The following RELCH variants were observed in gnomAD, a reference collection of about 807,000 sequenced individuals.
RELCH encodes the protein RAB11 binding and LisH domain, coiled-coil and HEAT repeat containing.
RELCH carries 41 observed loss-of-function variants against 150.3 expected under a neutral mutation model. That is an observed-to-expected ratio of 0.27 (90% CI 0.21 to 0.35). The LOEUF (loss-of-function observed/expected upper bound fraction) is 0.35, where lower values mean the gene tolerates loss of function less well. Ranked by LOEUF, RELCH falls within the 10% of genes least tolerant of loss-of-function variation. RELCH has a pLI of 1.00. For synonymous variants in RELCH, 478 were observed against 531.8 expected (o/e 0.90, Z 1.39); for missense variants, 1,092 against 1,467.8 (o/e 0.74, Z 4.18).
chr18:62,226,241 A>G (rs1302762010), intron 5 of RELCH, among the ~76,000 whole-genome samples: 1 of 152,100 alleles, frequency 6.6e-6, no homozygotes, highest in Admixed American at 6.6e-5. Context: ...CGTGCAATTG[A>G]TTACTCAGCA....
At chr18:62,269,750 G>A (rs949273501) in intron 20 of RELCH, among the ~76,000 whole-genome samples, 17 of 152,044 alleles carry the variant, frequency 1.1e-4, no homozygotes, top group East Asian at 1.9e-4. Flanking sequence ...TCAATACAGC[G>A]AAAAAATAAT....
chr18:62,200,387 C>T (rs1243253742), intron 1 of RELCH, among the ~76,000 whole-genome samples: 1 of 152,126 alleles, frequency 6.6e-6, no homozygotes, highest in African/African-American at 2.4e-5. Flanking sequence ...TACATAGCTT[C>T]AGTTCTCTCA....
rs2043416166 is a variant in RELCH at position 62,264,039 on chromosome 18, A to G, written c.2401A>G (p.Ile801Val). 1.9e-6 allele frequency: 3 copies of G among 1,609,334 alleles called. No homozygotes were observed. The highest frequency in any genetic ancestry group is 2.5e-6 in the Non-Finnish European group (3 of 1,177,900). The change falls in exon 17 of 29, where the codon ATC becomes GTC. Residue 801 changes from isoleucine to valine, a missense_variant. By Grantham distance (29) the Ile-to-Val change is conservative. This residue lies in a region of RELCH where 707 missense variants were observed against 1,025.4 expected (regional missense o/e 0.69). Transcript: ENST00000644646. The part of the protein sequence containing the change: ...MSPLQDVSTI[I>V]GSREQLAVLL... ...GCCTCTTCAAGATGTGTCCACTATT[A>G]TCGGAAGTCGTGAGCAATTGGCAGT...
At chr18:62,228,901 T>G (rs1318094408) in intron 8 of RELCH, among the ~76,000 whole-genome samples, 1 of 152,108 alleles carries the variant, frequency 6.6e-6, no homozygotes, top group East Asian at 1.9e-4. Flanking sequence ...TACCCAGTGC[T>G]TTTTTCTCTA....
chr18:62,251,827 T>C (rs1463085795), intron 11 of RELCH, among the ~76,000 whole-genome samples: 1 of 152,184 alleles, frequency 6.6e-6, no homozygotes, highest in African/African-American at 2.4e-5. Context: ...TCAGAATGTA[T>C]GTGTGGGAAG....
intron 2 of RELCH, among the ~76,000 whole-genome samples, chr18:62,214,505 T>C (rs1426376069): frequency 6.6e-6 from 1 of 152,128 alleles, no homozygotes; most frequent in Non-Finnish European, 1.5e-5. Context: ...AGCTCTGCAG[T>C]TCTGGGTCGC....
chr18:62,281,344 G>A (rs1245717242), intron 24 of RELCH, among the ~76,000 whole-genome samples: 1 of 152,148 alleles, frequency 6.6e-6, no homozygotes, highest in Non-Finnish European at 1.5e-5. Context: ...TATAAATGAA[G>A]GCAAGAGGGC....
chr18:62,274,557 T>C (rs1197289354), intron 21 of RELCH, among the ~76,000 whole-genome samples: 2 of 152,234 alleles, frequency 1.3e-5, no homozygotes, highest in African/African-American at 4.8e-5. Context: ...ACCTTTCATT[T>C]GCATAGGCTT....
At chr18:62,221,614 G>T (rs926836571) in intron 5 of RELCH, 117 bp downstream of exon 5, 8 of 476,758 alleles carry the variant, frequency 1.7e-5, no homozygotes, top group East Asian at 3.5e-5. Flanking sequence ...ATTCTACAAG[G>T]CTAGTTACTA....
intron 10 of RELCH, chr18:62,235,407 C>G (rs1319422945): frequency 6.6e-6 from 1 of 152,056 alleles, no homozygotes; most frequent in Non-Finnish European, 1.5e-5. Flanking sequence ...TATGAGTCCT[C>G]TAACTGCACA....
At chr18:62,212,864 T>C (rs1046316076) in intron 2 of RELCH, among the ~76,000 whole-genome samples, 2 of 152,208 alleles carry the variant, frequency 1.3e-5, no homozygotes, top group African/African-American at 2.4e-5. Flanking sequence ...ACTAGAGATA[T>C]TGAATATTTT....
chr18:62,273,634 C>T (rs1434921712), intron 20 of RELCH, among the ~76,000 whole-genome samples: 1 of 152,142 alleles, frequency 6.6e-6, no homozygotes, highest in East Asian at 1.9e-4. Flanking sequence ...CAGCTAGGCA[C>T]TTGCCACGTG....
intron 25 of RELCH, among the ~76,000 whole-genome samples, chr18:62,284,633 C>T (rs1339670511): frequency 6.6e-6 from 1 of 151,886 alleles, no homozygotes; most frequent in Non-Finnish European, 1.5e-5. Context: ...ATGAAGAATG[C>T]GATAGTGTTA....
At chr18:62,275,521 T>C (rs2044157913) in intron 22 of RELCH, 48 bp downstream of exon 22, 1 of 1,271,692 alleles carries the variant, frequency 7.9e-7, no homozygotes, top group African/African-American at 1.5e-5. Context: ...TGATTTTTTT[T>C]TTTTTGCGAA....
chr18:62,189,668 CA>C (rs1332370465), intron 1 of RELCH, among the ~76,000 whole-genome samples: 1 of 152,178 alleles, frequency 6.6e-6, no homozygotes, highest in African/African-American at 2.4e-5. Context: ...TTGACCTTTT[CA>C]CCCTGTCTTA....
In RELCH at chr18:62,305,453, A is replaced by G. The variant is rs747256201; in HGVS notation, c.3570A>G (p.Thr1190=). 1 of 1,612,092 alleles carries G rather than the reference A, an allele frequency of 6.2e-7. No homozygotes were observed. The highest frequency in any genetic ancestry group is 1.1e-5 in the South Asian group (1 of 90,774). The part of the protein sequence containing the change: ...SIAASLVSED[T]KTKFLNKMGQ... Reference sequence around the variant, plus strand: ...CTGCAAGCTTAGTGAGTGAAGATACAAAGACCAAGTTTTTGAACAAAATGG... The same window carrying G: ...CTGCAAGCTTAGTGAGTGAAGATACGAAGACCAAGTTTTTGAACAAAATGG... The change falls in exon 29 of 29, where the codon ACA becomes ACG. Residue 1190 remains threonine (T), a synonymous_variant. Transcript: ENST00000644646. The surrounding 1 kb of genome is among the most constrained non-coding windows in gnomAD (Gnocchi z 4.0).
intron 20 of RELCH, among the ~76,000 whole-genome samples, chr18:62,272,371 C>G (rs2043951433): frequency 6.6e-6 from 1 of 152,048 alleles, no homozygotes; most frequent in African/African-American, 2.4e-5. Flanking sequence ...CCATAAATAA[C>G]ATTTTAAATC....
At chr18:62,244,293 G>C (rs960957054) in intron 10 of RELCH, among the ~76,000 whole-genome samples, 2 of 152,008 alleles carry the variant, frequency 1.3e-5, no homozygotes, top group African/African-American at 4.8e-5. Flanking sequence ...AAGTGCTAAG[G>C]GTACAAAATT....
At chr18:62,289,718 A>G (rs1010352127) in intron 26 of RELCH, among the ~76,000 whole-genome samples, 1 of 152,254 alleles carries the variant, frequency 6.6e-6, no homozygotes, top group Admixed American at 6.5e-5. Context: ...GAGGCTAACC[A>G]TCATTCACCA....
Sources: gnomAD v4.1 joint callset for allele counts (sites outside exome capture counted in the v4.1 genomes callset) on GRCh38, gnomAD v4.1.1 for gene constraint, gnomAD v4.1.1 regional missense constraint, Gnocchi (gnomAD v3.1) non-coding constraint, MANE v1.5 for transcripts, NCBI Gene and HGNC (gene_info 2026-07-23, HGNC 2026-07-21) for gene names.